The following SLC25A15 variants were observed in gnomAD, a reference collection of about 807,000 sequenced individuals.
SLC25A15 encodes the protein solute carrier family 25 member 15.
SLC25A15 carries 24 observed loss-of-function variants against 32.3 expected under a neutral mutation model. The observed-to-expected ratio is 0.74, with a 90% CI of 0.54 to 1.04. The LOEUF (loss-of-function observed/expected upper bound fraction) is 1.04. Ranked by LOEUF, SLC25A15 falls within the 50% of genes least tolerant of loss-of-function variation. The pLI, the probability that SLC25A15 is intolerant of heterozygous loss-of-function variation, is 0.00. For missense variants in SLC25A15, 317 were observed against 374.5 expected (o/e 0.85, Z 1.27); for synonymous variants, 132 against 142.1 (o/e 0.93, Z 0.51).
chr13:40,800,406 C>G (rs560507835), intron 3 of SLC25A15, among the ~76,000 whole-genome samples: 1 of 152,242 alleles, frequency 6.6e-6, no homozygotes, highest in South Asian at 2.1e-4. Flanking sequence ...AAGCAGGGCA[C>G]AAACCAGGAG....
chr13:40,791,077 C>A (rs762621510), intron 1 of SLC25A15, among the ~76,000 whole-genome samples: 13 of 151,752 alleles, frequency 8.6e-5, no homozygotes, highest in Non-Finnish European at 1.5e-4. Flanking sequence ...TGCTCAGTTG[C>A]CCCCGTTTTT....
intron 2 of SLC25A15, among the ~76,000 whole-genome samples, chr13:40,797,372 G>C (rs1881700947): frequency 6.6e-6 from 1 of 152,052 alleles, no homozygotes; most frequent in Non-Finnish European, 1.5e-5. Context: ...TCTGCATCTA[G>C]GCTCTCTGAA....
At chr13:40,792,469 G>GGTGACGGGAAGATGTGT (rs1192156959) in intron 1 of SLC25A15, among the ~76,000 whole-genome samples, 3 of 152,232 alleles carry the variant, frequency 2.0e-5, no homozygotes, top group African/African-American at 4.8e-5. Flanking sequence ...GGTGGTCTGT[G>GGTGACGGGAAGATGTGT]GTGACGGGAA....
At chr13:40,808,241 CCTGGGCTA>C (rs1251552666) in intron 5 of SLC25A15, among the ~76,000 whole-genome samples, 189 bp from the exon 6 acceptor site, 2 of 152,192 alleles carry the variant, frequency 1.3e-5, no homozygotes. Flanking sequence ...CAGGAGTAGA[CCTGGGCTA>C]CCAAACAAAA....
In SLC25A15 at chr13:40,811,732, A is replaced by G. The variant is rs1882462943; in HGVS notation, c.*2065A>G. Among the ~76,000 whole-genome samples the G allele has an allele frequency of 6.6e-6, 1 of 152,220 alleles. No homozygotes were observed. Among genetic ancestry groups the G allele is most frequent in the African/African-American group, 2.4e-5 (1 of 41,454 alleles). On this transcript the variant is annotated 3_prime_UTR_variant, in exon 7 of 7. Transcript: ENST00000338625. ...GGGTATCTCCCAATAAAGTGTTCCTAAGCAGCCTGTATACTGAGTGCAAGC... is the reference window on the plus strand; with the variant it reads ...GGGTATCTCCCAATAAAGTGTTCCTGAGCAGCCTGTATACTGAGTGCAAGC...
rs751658918 is a variant in SLC25A15, at chr13:40,808,494, G to T, written c.679G>T (p.Val227Leu). 22 of 1,613,288 alleles carry T rather than the reference G, an allele frequency of 1.4e-5. No individual in the cohort carries two copies. The highest frequency in any genetic ancestry group is 1.4e-5 in the Non-Finnish European group (17 of 1,179,890). Residue 227 changes from valine (V) to leucine (L), a missense_variant, in exon 6 of 7, where the codon GTA (valine) becomes TTA (leucine). Val to Leu is a conservative substitution (Grantham distance 32, BLOSUM62 1). Coordinates refer to ENST00000338625, the MANE Select transcript of SLC25A15 (RefSeq NM_014252.4). ...GVGGICLWLA[V>L]YPVDCIKSRI... Reference sequence around the variant, plus strand: ...TGGTGGGATTTGCCTCTGGCTTGCGGTATACCCAGTGGATTGTATCAAATC... The same window carrying T: ...TGGTGGGATTTGCCTCTGGCTTGCGTTATACCCAGTGGATTGTATCAAATC...
chr13:40,805,055 T>C (rs939300095), intron 3 of SLC25A15, 63 bp from the exon 4 acceptor site: 4 of 1,603,234 alleles, frequency 2.5e-6, no homozygotes, highest in Non-Finnish European at 3.4e-6. Context: ...AAGTGCTGTC[T>C]GTGTGGTGAG....
At chr13:40,793,013 A>G in intron 1 of SLC25A15, 145 bp from the exon 2 acceptor site, 1 of 610,488 alleles carries the variant, frequency 1.6e-6, no homozygotes, top group Non-Finnish European at 3.0e-6. Context: ...GCTAAGCTGC[A>G]CTGATACCTT....
intron 1 of SLC25A15, among the ~76,000 whole-genome samples, chr13:40,790,493 T>C (rs1881441301): frequency 1.3e-5 from 2 of 152,238 alleles, no homozygotes; most frequent in Non-Finnish European, 2.9e-5. Flanking sequence ...CTACACATAA[T>C]GTGAATTAGC....
At chr13:40,798,491 C>T (rs373855641) in intron 2 of SLC25A15, among the ~76,000 whole-genome samples, 12 of 152,238 alleles carry the variant, frequency 7.9e-5, no homozygotes, top group African/African-American at 2.6e-4. Flanking sequence ...CTCCTTGTTT[C>T]CTTTCCGTGG....
chr13:40,790,044 G>A (rs1881424520), intron 1 of SLC25A15, among the ~76,000 whole-genome samples: 1 of 152,202 alleles, frequency 6.6e-6, no homozygotes, highest in African/African-American at 2.4e-5. Context: ...CAAGAAAGTT[G>A]GAAGTCGTCT....
intron 2 of SLC25A15, 123 bp from the exon 3 acceptor site, chr13:40,798,934 G>T: frequency 6.3e-7 from 1 of 1,597,050 alleles, no homozygotes. Flanking sequence ...GAAGGTTTTG[G>T]AGGAAAAGAG....
intron 2 of SLC25A15, among the ~76,000 whole-genome samples, chr13:40,797,772 G>A (rs960762837): frequency 1.3e-5 from 2 of 152,168 alleles, no homozygotes; most frequent in African/African-American, 4.8e-5. Flanking sequence ...TGGAATAACT[G>A]TGTATAACAT....
Position 40,810,525 on chromosome 13 carries a change from T to G in SLC25A15, c.*858T>G, listed in dbSNP as rs963008110. Among the ~76,000 whole-genome samples the G allele has an allele frequency of 6.6e-6, 1 of 152,178 alleles. No individual in the cohort carries two copies. The highest frequency in any genetic ancestry group is 2.4e-5 in the African/African-American group (1 of 41,448). On this transcript the variant is annotated 3_prime_UTR_variant, in exon 7 of 7. Transcript: ENST00000338625. ...TGAAAACTAAAATATCCTTCTAGAT[T>G]TGTAAGACAGTATACCTGCATACTG...
chr13:40,801,775 C>T (rs747971720), intron 3 of SLC25A15, among the ~76,000 whole-genome samples: 6 of 152,190 alleles, frequency 3.9e-5, no homozygotes, highest in Admixed American at 6.5e-5. Context: ...AGCAGGAGTG[C>T]TCAGGTACAT....
At chr13:40,793,097 C>A in intron 1 of SLC25A15, 61 bp from the exon 2 acceptor site, 1 of 898,970 alleles carries the variant, frequency 1.1e-6, no homozygotes, top group Non-Finnish European at 1.8e-6. Context: ...AATTTGGCTG[C>A]AGGCCTAGAG....
intron 3 of SLC25A15, among the ~76,000 whole-genome samples, chr13:40,804,702 C>A (rs559307211): frequency 1.1e-3 from 164 of 146,894 alleles, no homozygotes; most frequent in African/African-American, 4.1e-3. Context: ...CCACTACGCC[C>A]GGCTAATTTT....
At chr13:40,801,229 C>CAAAA (rs1246800749) in intron 3 of SLC25A15, among the ~76,000 whole-genome samples, 1 of 83,770 alleles carries the variant, frequency 1.2e-5, no homozygotes, top group Non-Finnish European at 2.5e-5. Context: ...CTGTGTCTCT[C>CAAAA]AAAAAAAAAA....
chr13:40,809,391 A>T, intron 6 of SLC25A15, 152 bp from the exon 7 acceptor site: 1 of 962,584 alleles, frequency 1.0e-6, no homozygotes, highest in Non-Finnish European at 1.7e-6. Context: ...TAGTCTATTT[A>T]GGAAAAGCTG....
Sources: gnomAD v4.1 joint callset for allele counts (sites outside exome capture counted in the v4.1 genomes callset) on GRCh38, gnomAD v4.1.1 for gene constraint, MANE v1.5 for transcripts, NCBI Gene and HGNC (gene_info 2026-07-23, HGNC 2026-07-21) for gene names.